Variants in GPC5 observed in about 807,000 individuals in gnomAD.
GPC5 encodes glypican 5.
In GPC5, 47 loss-of-function variants were observed where a neutral mutation model predicts 53.9. The ratio of observed to expected loss-of-function variants is 0.87; its 90% confidence interval spans 0.69 to 1.11. The LOEUF is 1.11. GPC5 is among the 50% of genes most tolerant of loss of function. GPC5 has a pLI of 0.00. For missense variants in GPC5, 748 were observed against 713.1 expected, an observed-to-expected ratio of 1.05 and a Z score of -0.56; for synonymous variants, 286 against 263.3, an observed-to-expected ratio of 1.09 and a Z score of -0.84.
chr13:91,657,620 A>T (rs1178490866), intron 2 of GPC5, among the ~76,000 whole-genome samples: 1 of 152,148 alleles, frequency 6.6e-6, no homozygotes, highest in Non-Finnish European at 1.5e-5. Context: ...GAGAAGTAGG[A>T]TTTAGACATT....
intron 6 of GPC5, among the ~76,000 whole-genome samples, chr13:92,028,988 G>A (rs1336134928): frequency 6.6e-6 from 1 of 152,144 alleles, no homozygotes; most frequent in Non-Finnish European, 1.5e-5. Context: ...GGCTTCACTA[G>A]TACAACACTT....
chr13:91,774,840 G>A (rs1022668657), intron 5 of GPC5, among the ~76,000 whole-genome samples: 3 of 152,114 alleles, frequency 2.0e-5, no homozygotes, highest in South Asian at 4.1e-4. Flanking sequence ...AGCCCAGACC[G>A]CCTTTTTGCG....
intron 1 of GPC5, among the ~76,000 whole-genome samples, chr13:91,440,157 T>C (rs1048504845): frequency 6.6e-6 from 1 of 152,198 alleles, no homozygotes; most frequent in East Asian, 1.9e-4. Context: ...TTACAGTAAT[T>C]TTTTCATGGA....
At position 92,726,909 on chromosome 13, in the gene GPC5, G is replaced by T. The variant is rs552894268; in HGVS notation, c.1562-139373G>T. Reference sequence around the variant, plus strand: ...GTTTATGGAGAAAAGAGGGATAAAAGAAAACTTATTGTGAGAGCTATAATT... The same window carrying T: ...GTTTATGGAGAAAAGAGGGATAAAATAAAACTTATTGTGAGAGCTATAATT... On this transcript the variant is annotated intron_variant, in intron 7 of 7. Coordinates refer to ENST00000377067, the MANE Select transcript of GPC5 (RefSeq NM_004466.6). Among the ~76,000 whole-genome samples the T allele has an allele frequency of 7.9e-5, 12 of 151,564 alleles. No homozygotes were observed. In the South Asian group the frequency reaches 1.5e-3, roughly 18 times the overall value.
rs1021005555 is a variant in GPC5 at position 91,984,738 on chromosome 13, T to A, written c.1401+76681T>A. Among the ~76,000 whole-genome samples the A allele has an allele frequency of 7.2e-5, 11 of 152,236 alleles. 1 individual carries two copies. Among genetic ancestry groups the A allele is most frequent in the Non-Finnish European group, 1.3e-4 (9 of 68,042 alleles). Reference sequence around the variant, plus strand: ...GTTTAATGTTGTTTTTTAGCCTTATTTTCTTTTTCATTAAAAAGCCTAAAC... The same window carrying A: ...GTTTAATGTTGTTTTTTAGCCTTATATTCTTTTTCATTAAAAAGCCTAAAC... On this transcript the variant is annotated intron_variant, in intron 6 of 7. Transcript: ENST00000377067.
chr13:91,694,403 T>G (rs1487339589), intron 3 of GPC5, among the ~76,000 whole-genome samples: 1 of 152,214 alleles, frequency 6.6e-6, no homozygotes, highest in Non-Finnish European at 1.5e-5. Context: ...GATAGCTTAG[T>G]GTTCAAAAGA....
chr13:92,059,571 A>G (rs1390255058), intron 6 of GPC5, among the ~76,000 whole-genome samples: 1 of 152,030 alleles, frequency 6.6e-6, no homozygotes, highest in African/African-American at 2.4e-5. Flanking sequence ...TCAATAGTAT[A>G]TTATTGAGAT....
intron 7 of GPC5, among the ~76,000 whole-genome samples, chr13:92,478,457 G>A (rs561777056): frequency 1.3e-5 from 2 of 152,128 alleles, no homozygotes; most frequent in African/African-American, 4.8e-5. Context: ...TATTTGATGG[G>A]ATAATTTAAA....
intron 6 of GPC5, among the ~76,000 whole-genome samples, chr13:91,942,367 C>A (rs890209273): frequency 2.0e-5 from 3 of 152,020 alleles, no homozygotes; most frequent in African/African-American, 7.2e-5. Context: ...CTGGTGCATA[C>A]AGTCCATCAA....
intron 5 of GPC5, among the ~76,000 whole-genome samples, chr13:91,824,089 A>G (rs1161271899): frequency 3.9e-5 from 6 of 152,090 alleles, no homozygotes; most frequent in Non-Finnish European, 5.9e-5. Flanking sequence ...AACAAATGCA[A>G]TTTAAAAAGT....
At chr13:92,224,147 G>T (rs1566492395) in intron 7 of GPC5, among the ~76,000 whole-genome samples, 1 of 152,042 alleles carries the variant, frequency 6.6e-6, no homozygotes, top group Non-Finnish European at 1.5e-5. Context: ...AACTCTAAAA[G>T]AACTTTCTGC....
chr13:92,436,463 A>G (rs1254198895), intron 7 of GPC5, among the ~76,000 whole-genome samples: 2 of 152,130 alleles, frequency 1.3e-5, no homozygotes, highest in African/African-American at 2.4e-5. Flanking sequence ...TCATTTGCTT[A>G]CAATATGCAA....
rs985780929 is a variant in GPC5 at position 92,344,087 on chromosome 13, T to C, written c.1561+199098T>C. 6.6e-4 allele frequency among the ~76,000 whole-genome samples: 83 copies of C among 126,680 alleles called. 1 individual carries two copies. The highest frequency in any genetic ancestry group is 1.3e-3 in the Non-Finnish European group (74 of 57,786). The allele number at this position is 126,680 out of a possible 152,430, so 83.1% of individuals were successfully genotyped here. On this transcript the variant is annotated intron_variant, in intron 7 of 7. Transcript: ENST00000377067. ...AAGAAGAATTTCCTTCTAAGGTTTC[T>C]AGAAATACCTGAGACTGGGTAATTT...
At chr13:92,493,231 A>T (rs1470679536) in intron 7 of GPC5, among the ~76,000 whole-genome samples, 5 of 152,360 alleles carry the variant, frequency 3.3e-5, no homozygotes, top group African/African-American at 7.2e-5. Flanking sequence ...ACTTTTCAGC[A>T]TTAAAGAGGG....
chr13:92,181,573 TG>T (rs1319164786), intron 7 of GPC5, among the ~76,000 whole-genome samples: 1 of 152,200 alleles, frequency 6.6e-6, no homozygotes, highest in African/African-American at 2.4e-5. Flanking sequence ...TGTGCACATG[TG>T]GATTGTGTAA....
chr13:92,478,968 T>C (rs1401767243), intron 7 of GPC5, among the ~76,000 whole-genome samples: 1 of 152,224 alleles, frequency 6.6e-6, no homozygotes, highest in Non-Finnish European at 1.5e-5. Flanking sequence ...ATTGGTTAAG[T>C]TATTCAGCCT....
At chr13:92,558,831 C>A (rs1319661745) in intron 7 of GPC5, among the ~76,000 whole-genome samples, 2 of 151,972 alleles carry the variant, frequency 1.3e-5, no homozygotes, top group Non-Finnish European at 2.9e-5. Flanking sequence ...CTTCTCACCA[C>A]ATGCAGGCAA....
intron 7 of GPC5, among the ~76,000 whole-genome samples, chr13:92,194,197 CA>C (rs1281604884): frequency 1.3e-5 from 2 of 152,132 alleles, no homozygotes; most frequent in East Asian, 3.8e-4. Flanking sequence ...ACAACTAAAA[CA>C]AAACACAAGG....
chr13:91,681,072 G>A (rs1333273286), intron 2 of GPC5, among the ~76,000 whole-genome samples: 1 of 151,598 alleles, frequency 6.6e-6, no homozygotes, highest in Non-Finnish European at 1.5e-5. Flanking sequence ...ACAAGCTTTG[G>A]GTTTCTCAAT....
Sources: allele counts gnomAD v4.1 joint callset (sites outside exome capture counted in the v4.1 genomes callset), GRCh38; gene constraint gnomAD v4.1.1; transcripts MANE v1.5; gene names NCBI Gene and HGNC (gene_info 2026-07-23, HGNC 2026-07-21).